ABCA13: variants seen among roughly 807,000 people sequenced by gnomAD.
ABCA13 encodes the protein ATP binding cassette subfamily A member 13, also known as ATP-binding cassette sub-family A member 13.
A neutral mutation model predicts 478.7 loss-of-function variants in ABCA13; 476 were observed. The ratio of observed to expected loss-of-function variants is 0.99; its 90% CI spans 0.92 to 1.07. The LOEUF (loss-of-function observed/expected upper bound fraction) is 1.07. ABCA13 is among the 50% of genes least tolerant of loss of function. The pLI is 0.00. For synonymous variants in ABCA13, 2,252 were observed against 2,158.9 expected (o/e 1.04, Z -1.20); for missense variants, 6,060 against 5,910.6 (o/e 1.03, Z -0.83).
chr7:48,601,539 A>G (rs1451420035), intron 58 of ABCA13, among the ~76,000 whole-genome samples: 1 of 152,214 alleles, frequency 6.6e-6, no homozygotes, highest in East Asian at 1.9e-4. Context: ...ATGTCCCTGC[A>G]AGGGACATGA....
chr7:48,483,435 C>T (rs987956335), intron 47 of ABCA13, among the ~76,000 whole-genome samples: 1 of 152,108 alleles, frequency 6.6e-6, no homozygotes, highest in African/African-American at 2.4e-5. Context: ...TCAAAGATAC[C>T]CACAGTTGTC....
rs544051873 is a variant in ABCA13, at chr7:48,418,039, A to G, written c.12459+5456A>G. Reference sequence around the variant, plus strand: ...GCTTATTTCATTGTACCGCTGAATAATATTTCAGTGGCTGAATGTACCATA... The same window carrying G: ...GCTTATTTCATTGTACCGCTGAATAGTATTTCAGTGGCTGAATGTACCATA... On this transcript the variant is annotated intron_variant, in intron 41 of 61. Coordinates refer to ENST00000435803, the MANE Select transcript of ABCA13 (RefSeq NM_152701.5). 2.8e-4 allele frequency among the ~76,000 whole-genome samples: 43 copies of G among 152,370 alleles called. 1 individual carries two copies. Among genetic ancestry groups the G allele is most frequent in the Non-Finnish European group, 5.0e-4 (34 of 68,032 alleles).
intron 42 of ABCA13, among the ~76,000 whole-genome samples, chr7:48,451,329 T>A (rs28589871): frequency 1.3e-5 from 2 of 151,850 alleles, no homozygotes; most frequent in Non-Finnish European, 1.5e-5. Flanking sequence ...TTTATGTATG[T>A]GATGAAATTT....
intron 3 of ABCA13, among the ~76,000 whole-genome samples, chr7:48,209,742 ATG>A (rs1046877711): frequency 6.6e-6 from 1 of 152,198 alleles, no homozygotes; most frequent in African/African-American, 2.4e-5. Context: ...TGCAAATTCA[ATG>A]TAATTTCTAC....
chr7:48,400,982 G>A (rs1270774719), intron 38 of ABCA13, among the ~76,000 whole-genome samples: 2 of 152,248 alleles, frequency 1.3e-5, no homozygotes, highest in Non-Finnish European at 2.9e-5. Flanking sequence ...TGGGGGGTGA[G>A]ACACTTAACA....
At chr7:48,459,121 G>A (rs1464415960) in intron 43 of ABCA13, among the ~76,000 whole-genome samples, 1 of 152,188 alleles carries the variant, frequency 6.6e-6, no homozygotes, top group Non-Finnish European at 1.5e-5. Context: ...CTCTGTGCCT[G>A]TTTAGGGTGG....
intron 23 of ABCA13, among the ~76,000 whole-genome samples, chr7:48,303,153 T>C (rs1435880348): frequency 6.6e-6 from 1 of 152,194 alleles, no homozygotes; most frequent in East Asian, 1.9e-4. Flanking sequence ...AAAGTGTCTG[T>C]TCATGTCCTT....
intron 57 of ABCA13, among the ~76,000 whole-genome samples, chr7:48,593,261 T>TATGTGTGTGTGTGTGC (rs1789949581): frequency 6.6e-6 from 1 of 151,112 alleles, no homozygotes; most frequent in African/African-American, 2.4e-5. Flanking sequence ...TGTGTGTGTG[T>TATGTGTGTGTGTGTGC]ATGTGTGTGT....
intron 38 of ABCA13, among the ~76,000 whole-genome samples, chr7:48,392,702 T>C (rs1816245755): frequency 6.6e-6 from 1 of 152,184 alleles, no homozygotes; most frequent in Non-Finnish European, 1.5e-5. Flanking sequence ...TGCTAGATCA[T>C]AGCAGGTGCC....
Position 48,580,429 on chromosome 7 carries a change from A to G in ABCA13, c.14505+55A>G, listed in dbSNP as rs1044587195. On this transcript the variant is annotated intron_variant, in intron 56 of 61. Transcript: ENST00000435803. The stretch of plus-strand genomic sequence containing the variant: ...GGGACCCATTGAGGAATGCTTGGTG[A>G]CCACCTCTGGCTCCAAGGCAGCTCT... 13 of 1,554,566 alleles carry G rather than the reference A, an allele frequency of 8.4e-6. No homozygotes were observed. The African/African-American group carries it at 1.8e-4, about 21-fold the overall frequency.
At chr7:48,314,533 C>A in intron 26 of ABCA13, 124 bp downstream of exon 26, 1 of 883,938 alleles carries the variant, frequency 1.1e-6, no homozygotes, top group Non-Finnish European at 1.6e-6. Flanking sequence ...GAATCTTCTG[C>A]TTCCACCTCC....
intron 57 of ABCA13, among the ~76,000 whole-genome samples, chr7:48,592,767 G>A (rs1274189443): frequency 5.9e-5 from 9 of 151,904 alleles, no homozygotes; most frequent in Admixed American, 2.6e-4. Context: ...AATGTTTAGT[G>A]CATATCTATT....
At position 48,272,514 on chromosome 7, in the gene ABCA13, C is replaced by A. The variant is rs1280987852; in HGVS notation, c.2848C>A (p.Leu950Ile). ...TGATAAAATTTTGACTCACATACAC[C>A]TAAATGTCTTCCAGGACAAGGATTC... ...EVDKILTHIH[L>I]NVFQDKDSAL... The change falls in exon 17 of 62, where the codon CTA becomes ATA. Residue 950 changes from leucine to isoleucine, a missense_variant. Coordinates refer to ENST00000435803, the MANE Select transcript of ABCA13 (RefSeq NM_152701.5). 1.2e-6 allele frequency: 2 copies of A among 1,613,726 alleles called. No individual in the cohort carries two copies. Among genetic ancestry groups the A allele is most frequent in the Non-Finnish European group, 1.7e-6 (2 of 1,179,742 alleles).
At chr7:48,521,647 G>C (rs1405345874) in intron 53 of ABCA13, among the ~76,000 whole-genome samples, 1 of 152,086 alleles carries the variant, frequency 6.6e-6, no homozygotes, top group Non-Finnish European at 1.5e-5. Flanking sequence ...CCCCTTGGCA[G>C]ATTTCAGGGT....
At chr7:48,522,842 A>AG (rs1320042005) in intron 53 of ABCA13, among the ~76,000 whole-genome samples, 1 of 152,214 alleles carries the variant, frequency 6.6e-6, no homozygotes, top group Admixed American at 6.5e-5. Flanking sequence ...GGAGAGAATG[A>AG]GCAAGCTGAT....
intron 40 of ABCA13, among the ~76,000 whole-genome samples, chr7:48,411,154 CCCCTT>C (rs1036928869): frequency 7.3e-6 from 1 of 137,754 alleles, no homozygotes; most frequent in African/African-American, 2.7e-5. Context: ...TTTTCTTTCT[CCCCTT>C]CCCTTCTCTT....
At chr7:48,253,456 C>T (rs529950336) in intron 15 of ABCA13, among the ~76,000 whole-genome samples, 2 of 152,212 alleles carry the variant, frequency 1.3e-5, no homozygotes, top group Non-Finnish European at 1.5e-5. Context: ...AGAAAAATGT[C>T]ACAAAATTTC....
intron 59 of ABCA13, among the ~76,000 whole-genome samples, chr7:48,638,492 T>A (rs752768876): frequency 6.6e-6 from 1 of 152,256 alleles, no homozygotes; most frequent in Admixed American, 6.5e-5. Context: ...CCAGGAGGAA[T>A]GTGAGTGCCA....
chr7:48,228,725 T>C (rs1562826343), intron 6 of ABCA13, among the ~76,000 whole-genome samples: 1 of 152,342 alleles, frequency 6.6e-6, no homozygotes, highest in South Asian at 2.1e-4. Flanking sequence ...TATTTGTCAA[T>C]GTAGGAAAAT....
Sources: allele counts gnomAD v4.1 joint callset (sites outside exome capture counted in the v4.1 genomes callset), GRCh38; gene constraint gnomAD v4.1.1; transcripts MANE v1.5; gene names NCBI Gene and HGNC (gene_info 2026-07-23, HGNC 2026-07-21).